The following FAM227B variants were observed in gnomAD, a reference collection of about 807,000 sequenced individuals.
FAM227B encodes the protein protein FAM227B.
Under a neutral mutation model 73.8 loss-of-function variants are expected in FAM227B, and 88 were observed. The ratio of observed to expected loss-of-function variants is 1.19; its 90% confidence interval spans 1.00 to 1.42. The LOEUF (loss-of-function observed/expected upper bound fraction) is 1.42, where lower values mean the gene tolerates loss of function less well. Ranked by LOEUF, FAM227B falls within the 40% of genes most tolerant of loss-of-function variation. The pLI, the probability that FAM227B is intolerant of heterozygous loss-of-function variation, is 0.00. For synonymous variants in FAM227B, 210 were observed against 190.5 expected (o/e 1.10, Z -0.84); for missense variants, 632 against 590.9 (o/e 1.07, Z -0.72).
At chr15:49,503,812 G>T (rs191129168) in intron 11 of FAM227B, among the ~76,000 whole-genome samples, 8,297 of 152,128 alleles carry the variant, frequency 0.055, 324 homozygotes, top group East Asian at 0.13. Flanking sequence ...ATAGAAACAC[G>T]TTTACACTGT....
chr15:49,348,564 A>G (rs1409231912), intron 13 of FAM227B, among the ~76,000 whole-genome samples: 1 of 152,234 alleles, frequency 6.6e-6, no homozygotes, highest in Admixed American at 6.5e-5. Context: ...ACCTCACAGA[A>G]TCACTCGGAG....
chr15:49,589,583 AC>A (rs2076400188), intron 4 of FAM227B, among the ~76,000 whole-genome samples, 192 bp downstream of exon 4: 1 of 150,926 alleles, frequency 6.6e-6, no homozygotes. Context: ...ACACACACAC[AC>A]ACACAGACAA....
chr15:49,405,207 G>A (rs374145511), intron 11 of FAM227B, among the ~76,000 whole-genome samples: 1 of 152,216 alleles, frequency 6.6e-6, no homozygotes, highest in South Asian at 2.1e-4. Flanking sequence ...TTCAACCTTA[G>A]AGAATCTGAT....
At chr15:49,498,101 C>T (rs1339476101) in intron 11 of FAM227B, among the ~76,000 whole-genome samples, 1 of 152,202 alleles carries the variant, frequency 6.6e-6, no homozygotes, top group Non-Finnish European at 1.5e-5. Context: ...GCTATGGTAA[C>T]TCTCATAAGT....
At chr15:49,468,221 G>A (rs1011009106) in intron 11 of FAM227B, among the ~76,000 whole-genome samples, 4 of 149,672 alleles carry the variant, frequency 2.7e-5, no homozygotes, top group Admixed American at 2.0e-4. Context: ...GGATTAATAA[G>A]AAGTATGTTT....
chr15:49,599,456 G>C (rs1345557881), intron 3 of FAM227B, among the ~76,000 whole-genome samples: 1 of 151,644 alleles, frequency 6.6e-6, no homozygotes, highest in African/African-American at 2.4e-5. Flanking sequence ...TCTGATCTTT[G>C]TTATTTCCTT....
chr15:49,573,589 T>C (rs746947485), intron 8 of FAM227B, among the ~76,000 whole-genome samples: 23 of 152,196 alleles, frequency 1.5e-4, no homozygotes, highest in African/African-American at 5.1e-4. Flanking sequence ...CTCTTGCTTG[T>C]TCCCTCTCTC....
intron 11 of FAM227B, among the ~76,000 whole-genome samples, chr15:49,408,480 A>G (rs1330533896): frequency 2.0e-5 from 3 of 152,092 alleles, no homozygotes; most frequent in Non-Finnish European, 4.4e-5. Flanking sequence ...CAATTTTGTA[A>G]AGTGTTCATT....
chr15:49,434,954 T>G (rs561820269), intron 11 of FAM227B, among the ~76,000 whole-genome samples: 1 of 151,730 alleles, frequency 6.6e-6, no homozygotes, highest in Non-Finnish European at 1.5e-5. Context: ...ATAATATATT[T>G]TTTCTGAATA....
intron 15 of FAM227B, chr15:49,329,130 T>A: frequency 1.0e-6 from 1 of 991,660 alleles, no homozygotes; most frequent in African/African-American, 1.7e-5. Context: ...CTTGTTTGTA[T>A]ATATGCACCC....
chr15:49,357,508 G>A (rs1243715264), intron 13 of FAM227B, among the ~76,000 whole-genome samples: 1 of 151,976 alleles, frequency 6.6e-6, no homozygotes, highest in African/African-American at 2.4e-5. Context: ...TAAATTCCTC[G>A]ACACATACAC....
intron 9 of FAM227B, among the ~76,000 whole-genome samples, chr15:49,559,694 T>C (rs2074077577): frequency 6.6e-6 from 1 of 152,032 alleles, no homozygotes; most frequent in Non-Finnish European, 1.5e-5. Context: ...CCCAGCACTT[T>C]GGGAGGCTGA....
intron 11 of FAM227B, among the ~76,000 whole-genome samples, chr15:49,464,018 C>T (rs1361596628): frequency 6.6e-6 from 1 of 152,062 alleles, no homozygotes; most frequent in Non-Finnish European, 1.5e-5. Flanking sequence ...CTTTTTAAAA[C>T]CTGGCTTTGA....
At chr15:49,379,921 G>A (rs1439241792) in intron 11 of FAM227B, among the ~76,000 whole-genome samples, 5 of 152,194 alleles carry the variant, frequency 3.3e-5, no homozygotes, top group Non-Finnish European at 7.3e-5. Flanking sequence ...AAGGCCCCAG[G>A]GCTTTACAAT....
chr15:49,540,163 G>C (rs1345260902), intron 10 of FAM227B, among the ~76,000 whole-genome samples: 1 of 152,226 alleles, frequency 6.6e-6, no homozygotes, highest in African/African-American at 2.4e-5. Context: ...CCTGAAGACA[G>C]AAAGGATGAA....
At chr15:49,335,653 CAG>C (rs1482546745) in intron 13 of FAM227B, among the ~76,000 whole-genome samples, 157 bp from the exon 14 acceptor site, 3 of 152,186 alleles carry the variant, frequency 2.0e-5, no homozygotes, top group South Asian at 2.1e-4. Flanking sequence ...GAGTTACACT[CAG>C]AGGACTGAAA....
At chr15:49,329,297 T>C in intron 15 of FAM227B, 2 of 985,466 alleles carry the variant, frequency 2.0e-6, no homozygotes, top group Non-Finnish European at 2.4e-6. Context: ...GGCTTTCTCT[T>C]GTGGATGGAC....
At chr15:49,551,983 T>C (rs566838970) in intron 9 of FAM227B, among the ~76,000 whole-genome samples, 2 of 152,316 alleles carry the variant, frequency 1.3e-5, no homozygotes, top group Admixed American at 6.5e-5. Flanking sequence ...GGTTCCTCCT[T>C]TATTTAGTCT....
intron 9 of FAM227B, among the ~76,000 whole-genome samples, chr15:49,566,745 A>C: frequency 6.6e-6 from 1 of 152,174 alleles, no homozygotes; most frequent in Non-Finnish European, 1.5e-5. Flanking sequence ...ACTTAGTGCA[A>C]GTCCAGGAGT....
Sources: gnomAD v4.1 joint callset for allele counts (sites outside exome capture counted in the v4.1 genomes callset) on GRCh38, gnomAD v4.1.1 for gene constraint, MANE v1.5 for transcripts, NCBI Gene and HGNC (gene_info 2026-07-23, HGNC 2026-07-21) for gene names.